GRK5: variants seen among roughly 807,000 people sequenced by gnomAD.
The protein encoded by GRK5 is G protein-coupled receptor kinase 5.
In GRK5, 40 loss-of-function variants were observed where a neutral mutation model predicts 78.4. That is an observed-to-expected ratio of 0.51 (90% CI 0.40 to 0.66). The LOEUF is 0.66. GRK5 is among the 30% of genes least tolerant of loss of function. GRK5 has a pLI of 0.00. For missense variants in GRK5, 598 were observed against 759.9 expected (o/e 0.79, Z 2.50); for synonymous variants, 289 against 296.8 (o/e 0.97, Z 0.27).
chr10:119,307,705 C>T (rs1184453174), intron 1 of GRK5, among the ~76,000 whole-genome samples: 2 of 152,054 alleles, frequency 1.3e-5, no homozygotes, highest in Non-Finnish European at 2.9e-5. Flanking sequence ...CCATTTGTGC[C>T]GTTAATAACT....
At chr10:119,261,795 A>T (rs1006338519) in intron 1 of GRK5, among the ~76,000 whole-genome samples, 2 of 152,246 alleles carry the variant, frequency 1.3e-5, no homozygotes, top group Non-Finnish European at 2.9e-5. Context: ...GGCACTCCGC[A>T]GGCTGAGGCC....
intron 1 of GRK5, among the ~76,000 whole-genome samples, chr10:119,256,919 C>A (rs543995970): frequency 6.6e-6 from 1 of 152,202 alleles, no homozygotes; most frequent in Non-Finnish European, 1.5e-5. Context: ...CCCTGGCAAC[C>A]GCCAATCTGG....
chr10:119,344,893 C>CCTTCCTTCCTT (rs1851055684), intron 2 of GRK5, among the ~76,000 whole-genome samples: 1 of 135,004 alleles, frequency 7.4e-6, no homozygotes, highest in Admixed American at 7.3e-5. Flanking sequence ...TTCCTTCCTT[C>CCTTCCTTCCTT]CTTCCTTCCT....
At chr10:119,372,915 C>T (rs528631992) in intron 2 of GRK5, among the ~76,000 whole-genome samples, 1 of 152,332 alleles carries the variant, frequency 6.6e-6, no homozygotes, top group African/African-American at 2.4e-5. Flanking sequence ...GGATGACTCT[C>T]CAAAGAAAGG....
chr10:119,224,678 T>C (rs1848707446), intron 1 of GRK5, among the ~76,000 whole-genome samples: 1 of 152,160 alleles, frequency 6.6e-6, no homozygotes, highest in Non-Finnish European at 1.5e-5. Context: ...CCTTACAAAG[T>C]GCTAGGATTA....
intron 4 of GRK5, among the ~76,000 whole-genome samples, chr10:119,417,259 A>G (rs1439313187): frequency 6.6e-6 from 1 of 152,172 alleles, no homozygotes; most frequent in African/African-American, 2.4e-5. Context: ...TGTGGTGCCC[A>G]CTGGGGTGGC....
At chr10:119,422,304 A>G (rs1051450523) in intron 4 of GRK5, among the ~76,000 whole-genome samples, 4 of 152,126 alleles carry the variant, frequency 2.6e-5, no homozygotes, top group Non-Finnish European at 5.9e-5. Context: ...TCAAATTTAA[A>G]ATACTCAGGC....
intron 2 of GRK5, among the ~76,000 whole-genome samples, chr10:119,361,899 T>C (rs1851369217): frequency 7.0e-6 from 1 of 142,938 alleles, no homozygotes; most frequent in South Asian, 2.2e-4. Context: ...AGGTGGAGGT[T>C]GCAGTGAGCC....
At position 119,418,467 on chromosome 10, in the gene GRK5, G is replaced by C. The variant is rs1589799342; in HGVS notation, c.340-4699G>C. ...AGAGATGTCTCCTGCCAGCACCCCA[G>C]GCTACACAGCTGTGTCCCCAGGGCG... On this transcript the variant is annotated intron_variant, in intron 4 of 15. Transcript: ENST00000392870. 1.3e-5 allele frequency among the ~76,000 whole-genome samples: 2 copies of C among 152,274 alleles called. 1 individual carries two copies. The highest frequency in any genetic ancestry group is 6.8e-3 in the Middle Eastern group (2 of 294).
chr10:119,268,933 G>A (rs748843711), intron 1 of GRK5, among the ~76,000 whole-genome samples: 3 of 152,292 alleles, frequency 2.0e-5, no homozygotes, highest in Admixed American at 2.0e-4. Context: ...GATAACAAAG[G>A]GGGTGCCCTC....
At chr10:119,361,593 TGAG>T (rs1851363467) in intron 2 of GRK5, among the ~76,000 whole-genome samples, 1 of 152,088 alleles carries the variant, frequency 6.6e-6, no homozygotes, top group Non-Finnish European at 1.5e-5. Context: ...TGCACGCCAC[TGAG>T]GAGACGTGAG....
intron 1 of GRK5, among the ~76,000 whole-genome samples, chr10:119,227,703 G>T (rs899608019): frequency 6.6e-6 from 1 of 152,142 alleles, no homozygotes; most frequent in Non-Finnish European, 1.5e-5. Context: ...AGTATGTAGG[G>T]ATCCACTACA....
rs758791442 is a variant in GRK5, at chr10:119,271,632, C to T, written c.53-54884C>T. Among the ~76,000 whole-genome samples, 6 of 152,020 alleles carry T rather than the reference C, an allele frequency of 3.9e-5. No homozygotes were observed. Among genetic ancestry groups the T allele is most frequent in the Middle Eastern group, 3.2e-3 (1 of 316 alleles). On this transcript the variant is annotated intron_variant, in intron 1 of 15. Transcript: ENST00000392870. This position sits in a 1 kb window ranked among gnomAD's most constrained non-coding sequence, Gnocchi z 4.1. ...CCCATCAGTGCTGGGCTGGTGTGTG[C>T]GGGGTTTTGTCGCCACCTTTGGCAA...
In GRK5 at chr10:119,267,035, G is replaced by A. The variant is rs1224856288; in HGVS notation, c.52+59066G>A. Among the ~76,000 whole-genome samples, 1 of 152,076 alleles carries A rather than the reference G, an allele frequency of 6.6e-6. No individual in the cohort carries two copies. Among genetic ancestry groups the A allele is most frequent in the African/African-American group, 2.4e-5 (1 of 41,404 alleles). On this transcript the variant is annotated intron_variant, in intron 1 of 15. Coordinates refer to ENST00000392870, the MANE Select transcript of GRK5 (RefSeq NM_005308.3). The surrounding 1 kb of genome is among the most constrained non-coding windows in gnomAD (Gnocchi z 4.1). ...GAGGTGCGCGGATCACCTGAGGTCG[G>A]GAGTTCTAACCAGCCTGACCAACAT...
At chr10:119,433,310 A>G (rs1194920372) in intron 8 of GRK5, among the ~76,000 whole-genome samples, 1 of 152,218 alleles carries the variant, frequency 6.6e-6, no homozygotes, top group Admixed American at 6.5e-5. Context: ...CCGCTTCAGC[A>G]GGGACCCCTG....
In GRK5 at chr10:119,271,297, G is replaced by T. The variant is rs1849579941; in HGVS notation, c.53-55219G>T. On this transcript the variant is annotated intron_variant, in intron 1 of 15. Transcript: ENST00000392870. The surrounding 1 kb of genome is among the most constrained non-coding windows in gnomAD (Gnocchi z 4.1). Reference sequence around the variant, plus strand: ...TTTAGAGGCTCTCTCATCCCCTCGAGCTGCCAACACAATCAAGGGTCTGCA... The same window carrying T: ...TTTAGAGGCTCTCTCATCCCCTCGATCTGCCAACACAATCAAGGGTCTGCA... Among the ~76,000 whole-genome samples, 1 of 152,198 alleles carries T rather than the reference G, an allele frequency of 6.6e-6. No homozygotes were observed. Among genetic ancestry groups the T allele is most frequent in the African/African-American group, 2.4e-5 (1 of 41,466 alleles).
Position 119,445,177 on chromosome 10 carries a change from G to A in GRK5, c.1266+1425G>A, listed in dbSNP as rs1008908867. ...CCAGGGCTAGGGTGGGGGGACCGGAGGAGCAGTGCAGCACTGGTCGGGTAA... is the reference window on the plus strand; with the variant it reads ...CCAGGGCTAGGGTGGGGGGACCGGAAGAGCAGTGCAGCACTGGTCGGGTAA... On this transcript the variant is annotated intron_variant, in intron 12 of 15. Transcript: ENST00000392870. This position sits in a 1 kb window ranked among gnomAD's most constrained non-coding sequence, Gnocchi z 4.1. 1.3e-5 allele frequency among the ~76,000 whole-genome samples: 2 copies of A among 152,210 alleles called. No individual in the cohort carries two copies. Among genetic ancestry groups the A allele is most frequent in the South Asian group, 4.1e-4 (2 of 4,826 alleles).
At chr10:119,240,974 G>A (rs1849014679) in intron 1 of GRK5, among the ~76,000 whole-genome samples, 1 of 152,348 alleles carries the variant, frequency 6.6e-6, no homozygotes, top group Non-Finnish European at 1.5e-5. Context: ...AGGCCAAAGG[G>A]CTCTGGGGTC....
Position 119,348,243 on chromosome 10 carries a change from G to A in GRK5, c.148+21632G>A, listed in dbSNP as rs1851132371. On this transcript the variant is annotated intron_variant, in intron 2 of 15. Coordinates refer to ENST00000392870, the MANE Select transcript of GRK5 (RefSeq NM_005308.3). ...CCCATAGCTCAGTTTGATGTCAAAA[G>A]CAAAGCTCTCTTTCATCTGATGTCA... Among the ~76,000 whole-genome samples the A allele has an allele frequency of 2.6e-5, 4 of 152,180 alleles. No homozygotes were observed. The South Asian group carries it at 8.3e-4, about 32-fold the overall frequency.
Sources: gnomAD v4.1 joint callset for allele counts (sites outside exome capture counted in the v4.1 genomes callset) on GRCh38, gnomAD v4.1.1 for gene constraint, Gnocchi (gnomAD v3.1) non-coding constraint, MANE v1.5 for transcripts, NCBI Gene and HGNC (gene_info 2026-07-23, HGNC 2026-07-21) for gene names.